The following MAD2L2 variants were observed in gnomAD, a reference collection of about 807,000 sequenced individuals.
MAD2L2 encodes mitotic spindle assembly checkpoint protein MAD2B.
In MAD2L2, 17 loss-of-function variants were observed where a neutral mutation model predicts 30.5. The observed-to-expected ratio is 0.56, with a 90% CI of 0.38 to 0.84. The LOEUF (loss-of-function observed/expected upper bound fraction) is 0.84. MAD2L2 is among the 40% of genes least tolerant of loss of function. MAD2L2 has a pLI of 0.00. For missense variants in MAD2L2, 213 were observed against 277.4 expected, an observed-to-expected ratio of 0.77 and a Z score of 1.65; for synonymous variants, 101 against 113.9, an observed-to-expected ratio of 0.89 and a Z score of 0.72.
exon 1 of MAD2L2, chr1:11,691,567 CGCTGGCCGGGT>C (rs1025104283): frequency 1.3e-5 from 2 of 151,568 alleles, no homozygotes; most frequent in Non-Finnish European, 2.9e-5. Context: ...GGCGAGGGCG[CGCTGGCCGGGT>C]GCGCGCCGGG....
chr1:11,675,047 C>T, intron 8 of MAD2L2, 35 bp downstream of exon 8: 1 of 1,531,964 alleles, frequency 6.5e-7, no homozygotes, highest in Non-Finnish European at 8.9e-7. Context: ...TAAGCAGCCC[C>T]TAAATAAAGC....
At chr1:11,683,840 G>A (rs1021017503), upstream of MAD2L2, among the ~76,000 whole-genome samples, 6 of 151,964 alleles carry the variant, frequency 3.9e-5, no homozygotes, top group South Asian at 2.1e-4. Flanking sequence ...GTGTGGTGGC[G>A]CATGCCTGTA....
chr1:11,683,209 C>T (rs1001228007), upstream of MAD2L2, among the ~76,000 whole-genome samples: 6 of 152,196 alleles, frequency 3.9e-5, no homozygotes, highest in African/African-American at 7.2e-5. Context: ...CAGGCCCTCC[C>T]TCCATGAGCT....
chr1:11,682,006 A>G (rs944023989), upstream of MAD2L2: 10 of 152,160 alleles, frequency 6.6e-5, no homozygotes, highest in African/African-American at 2.4e-4. Flanking sequence ...GGGCCCTCAG[A>G]GATGATATTA....
At chr1:11,683,295 C>T (rs1010066344), upstream of MAD2L2, among the ~76,000 whole-genome samples, 1 of 152,128 alleles carries the variant, frequency 6.6e-6, no homozygotes, top group Non-Finnish European at 1.5e-5. Context: ...GAGCTAAGAA[C>T]GTCAGAAAAA....
intron 1 of MAD2L2, among the ~76,000 whole-genome samples, chr1:11,686,353 C>G (rs558467896): frequency 1.3e-5 from 2 of 152,318 alleles, no homozygotes; most frequent in South Asian, 4.1e-4. Flanking sequence ...AGAGCAAAGC[C>G]CTCACCTGCC....
Position 11,687,193 on chromosome 1 carries a change from A to G in MAD2L2, c.-692+4220T>C, listed in dbSNP as rs972213816. Among the ~76,000 whole-genome samples the G allele has an allele frequency of 2.0e-5, 3 of 152,038 alleles. No homozygotes were observed. Among genetic ancestry groups the G allele is most frequent in the Admixed American group, 1.3e-4 (2 of 15,246 alleles). Reference sequence around the variant, plus strand: ...CGATCCTCCCACCTCAGCCTCCCCAATAGCTGGGGCTACAGGTGTGCACCA... The same window carrying G: ...CGATCCTCCCACCTCAGCCTCCCCAGTAGCTGGGGCTACAGGTGTGCACCA... On this transcript the variant is annotated intron_variant, in intron 1 of 10. Transcript: ENST00000235310. This position sits in a 1 kb window ranked among gnomAD's most constrained non-coding sequence, Gnocchi z 4.1.
intron 1 of MAD2L2, 165 bp downstream of exon 1, chr1:11,680,874 A>G (rs972709538): frequency 4.2e-6 from 4 of 960,858 alleles, no homozygotes; most frequent in Non-Finnish European, 5.4e-6. Context: ...TGTGCCCCCG[A>G]AAAGGGCAGG....
chr1:11,675,284 C>A, intron 7 of MAD2L2, 110 bp from the exon 8 acceptor site: 1 of 707,372 alleles, frequency 1.4e-6, no homozygotes, highest in South Asian at 1.9e-5. Context: ...GCCTCAGAAT[C>A]ACTAGGAAGC....
chr1:11,675,926 G>A (rs747580606), intron 6 of MAD2L2, 120 bp downstream of exon 6: 36 of 933,098 alleles, frequency 3.9e-5, no homozygotes, highest in Non-Finnish European at 6.2e-5. Flanking sequence ...CAGAGGAGGT[G>A]GACTCTCAGG....
chr1:11,677,326 T>G, intron 4 of MAD2L2: 1 of 604,264 alleles, frequency 1.7e-6, no homozygotes, highest in Non-Finnish European at 2.9e-6. Flanking sequence ...CAACCCGGGC[T>G]CCCAGGCCCA....
intron 3 of MAD2L2, among the ~76,000 whole-genome samples, chr1:11,679,632 G>A (rs1016395840): frequency 4.0e-5 from 6 of 150,986 alleles, no homozygotes; most frequent in Admixed American, 3.9e-4. Context: ...GTTCAAGCGA[G>A]TCTCCTGCCT....
At chr1:11,686,460 G>T (rs1312034228) in intron 1 of MAD2L2, among the ~76,000 whole-genome samples, 1 of 152,140 alleles carries the variant, frequency 6.6e-6, no homozygotes, top group Non-Finnish European at 1.5e-5. Context: ...ATAGAGACAG[G>T]GTCTCGCTGT....
intron 1 of MAD2L2, 69 bp from the exon 2 acceptor site, chr1:11,680,682 C>T: frequency 2.0e-6 from 3 of 1,499,228 alleles, no homozygotes; most frequent in East Asian, 4.7e-5. Flanking sequence ...TCGCTTCCAC[C>T]GTCTCTTCCC....
In MAD2L2 at chr1:11,680,481, G is replaced by A. The variant is rs763575257; in HGVS notation, c.41-10C>T. On this transcript the variant is annotated splice_polypyrimidine_tract_variant and intron_variant, in intron 2 of 8. Coordinates refer to ENST00000376692, the MANE Select transcript of MAD2L2 (RefSeq NM_006341.4). Reference sequence around the variant, plus strand: ...AGCACATCGGCCACCACTGCAGGGGGGCACAAGCCGGTGGCGCGCTCGAGG... The same window carrying A: ...AGCACATCGGCCACCACTGCAGGGGAGCACAAGCCGGTGGCGCGCTCGAGG... 6.2e-7 allele frequency: 1 copy of A among 1,612,352 alleles called. No individual in the cohort carries two copies. Among genetic ancestry groups the A allele is most frequent in the Non-Finnish European group, 8.5e-7 (1 of 1,179,014 alleles).
At chr1:11,675,027 C>T (rs1640733343) in intron 8 of MAD2L2, 55 bp downstream of exon 8, 1 of 1,464,086 alleles carries the variant, frequency 6.8e-7, no homozygotes, top group African/African-American at 1.4e-5. Flanking sequence ...AGCACCGGGC[C>T]TCACTTCGTT....
At chr1:11,675,630 G>A (rs375056416) in intron 7 of MAD2L2, 28 bp downstream of exon 7, 58 of 1,608,598 alleles carry the variant, frequency 3.6e-5, no homozygotes, top group East Asian at 4.5e-5. Context: ...TAGAGCCTGC[G>A]CCCAGACCCA....
Position 11,677,750 on chromosome 1 carries a change from C to T in MAD2L2, c.160-136G>A, listed in dbSNP as rs995733453. Reference sequence around the variant, plus strand: ...CTCCAGGGCTCCCTACCCAGGAGACCCCACTTTCCCTCAAGAGGCTAAGAA... The same window carrying T: ...CTCCAGGGCTCCCTACCCAGGAGACTCCACTTTCCCTCAAGAGGCTAAGAA... On this transcript the variant is annotated intron_variant, in intron 3 of 8. Transcript: ENST00000376692. The T allele has an allele frequency of 6.0e-6, 4 of 667,652 alleles. No homozygotes were observed. In the South Asian group the frequency reaches 6.9e-5, roughly 12 times the overall value. The allele number at this position is 667,652 out of a possible 1,614,324, so 41.4% of individuals were successfully genotyped here. A position where few individuals can be genotyped will look rare whatever the true frequency, so the allele number is the denominator to read the frequency against.
chr1:11,676,153 G>A lies in MAD2L2; in HGVS notation c.333-13C>T, dbSNP rs779137723. 2.5e-5 allele frequency: 39 copies of A among 1,563,948 alleles called. No homozygotes were observed. Among genetic ancestry groups the A allele is most frequent in the Non-Finnish European group, 3.2e-5 (37 of 1,146,646 alleles). ...CAGCGAGTCTGAGCTGGGAGTGAGA[G>A]GAGGTCTTCCCATCACACTGGCGCC... is the stretch of plus-strand genomic sequence containing the variant. On this transcript the variant is annotated splice_polypyrimidine_tract_variant and intron_variant, in intron 5 of 8. Coordinates refer to ENST00000376692, the MANE Select transcript of MAD2L2 (RefSeq NM_006341.4).
Sources: gnomAD v4.1 joint callset for allele counts (sites outside exome capture counted in the v4.1 genomes callset) on GRCh38, gnomAD v4.1.1 for gene constraint, Gnocchi (gnomAD v3.1) non-coding constraint, MANE v1.5 for transcripts, NCBI Gene and HGNC (gene_info 2026-07-23, HGNC 2026-07-21) for gene names.